Variants in SNAI3 observed in about 807,000 individuals in gnomAD.
SNAI3 encodes zinc finger protein SNAI3.
A neutral mutation model predicts 16.4 loss-of-function variants in SNAI3; 21 were observed. That is an observed-to-expected ratio of 1.28 (90% confidence interval 0.91 to 1.85). The LOEUF is 1.85. Among genes scored for constraint, SNAI3 ranks in the 40% most tolerant of loss-of-function variants. The probability of loss-of-function intolerance (pLI) is 0.00; values close to 1 mark genes in which losing one functional copy is unlikely to be tolerated. For synonymous variants in SNAI3, 202 were observed against 166.6 expected, an observed-to-expected ratio of 1.21 and a Z score of -1.64; for missense variants, 457 against 372.8, an observed-to-expected ratio of 1.23 and a Z score of -1.86.
intron 1 of SNAI3, chr16:88,685,297 G>T (rs1234684415): frequency 1.3e-5 from 2 of 152,236 alleles, no homozygotes; most frequent in East Asian, 3.9e-4. Context: ...GAAAAGCATG[G>T]TCCTAGCTGG....
intron 1 of SNAI3, among the ~76,000 whole-genome samples, chr16:88,683,618 C>T (rs562419572): frequency 7.6e-5 from 10 of 132,262 alleles, no homozygotes; most frequent in Admixed American, 1.8e-4. Flanking sequence ...AGTGCAATGG[C>T]GTGATCTCAG....
intron 2 of SNAI3, among the ~76,000 whole-genome samples, chr16:88,679,629 G>C (rs1203443548): frequency 1.3e-5 from 2 of 151,774 alleles, no homozygotes; most frequent in Non-Finnish European, 2.9e-5. Flanking sequence ...GGGCGTGGTG[G>C]CAGGTGTCTG....
intron 1 of SNAI3, chr16:88,686,062 A>C (rs1909347827): frequency 2.2e-6 from 1 of 458,410 alleles, no homozygotes; most frequent in Non-Finnish European, 4.0e-6. Context: ...TTCCAGGGAG[A>C]CTTGGGGGCT....
At position 88,686,445 on chromosome 16, in the gene SNAI3, G is replaced by A. The variant is rs1388348202; in HGVS notation, c.-39C>T. 3.1e-6 allele frequency: 5 copies of A among 1,597,878 alleles called. No individual in the cohort carries two copies. The African/African-American group carries it at 5.4e-5, about 17-fold the overall frequency. The stretch of plus-strand genomic sequence containing the variant: ...GCGGCAGGCCGGGGTGGGCTGGGGC[G>A]GGAGGGGCGCGCCTGGGTCCGGACT... On this transcript the variant is annotated 5_prime_UTR_variant, in exon 1 of 3. Coordinates refer to ENST00000332281, the MANE Select transcript of SNAI3 (RefSeq NM_178310.4).
intron 2 of SNAI3, among the ~76,000 whole-genome samples, chr16:88,679,543 C>G (rs995406556): frequency 4.8e-5 from 7 of 145,868 alleles, no homozygotes; most frequent in Non-Finnish European, 7.5e-5. Context: ...GGGTGGATCA[C>G]GAGGTCAGGA....
intron 1 of SNAI3, among the ~76,000 whole-genome samples, chr16:88,683,289 T>C (rs1412792246): frequency 1.3e-5 from 2 of 151,344 alleles, no homozygotes; most frequent in African/African-American, 4.9e-5. Context: ...GGAGTCTCGC[T>C]CTGTCACCCA....
At position 88,678,257 on chromosome 16, in the gene SNAI3, C is replaced by CTG; in HGVS notation, c.*189_*190dup. On this transcript the variant is annotated 3_prime_UTR_variant, in exon 3 of 3. Transcript: ENST00000332281. ...GAGTGGGCTCCGCGCGGTGGGATGC[C>CTG]TGGGGGAGTGTCCTCCGGCCCAGTG... The CTG allele has an allele frequency of 1.8e-6, 1 of 569,578 alleles. No individual in the cohort carries two copies. Among genetic ancestry groups the CTG allele is most frequent in the Admixed American group, 3.2e-5 (1 of 31,234 alleles). 35.3% of individuals were successfully genotyped at this position (569,578 alleles called of 1,614,324 possible).
intron 1 of SNAI3, among the ~76,000 whole-genome samples, chr16:88,682,316 T>A (rs984904264): frequency 1.3e-5 from 2 of 152,236 alleles, no homozygotes; most frequent in Non-Finnish European, 2.9e-5. Flanking sequence ...TCTACTGTGC[T>A]CTGAATGCAG....
At chr16:88,679,525 G>A (rs907244448) in intron 2 of SNAI3, among the ~76,000 whole-genome samples, 14 of 152,042 alleles carry the variant, frequency 9.2e-5, no homozygotes, top group African/African-American at 3.1e-4. Context: ...ACTTTGGGAG[G>A]CCGAGGCGGG....
chr16:88,686,127 G>T (rs1909350407), intron 1 of SNAI3: 2 of 588,256 alleles, frequency 3.4e-6, no homozygotes, highest in Non-Finnish European at 5.8e-6. Context: ...CGCCCTGCCG[G>T]AGGCGGGGCT....
Position 88,678,680 on chromosome 16 carries a change from C to A in SNAI3, c.698-51G>T, listed in dbSNP as rs190768015. On this transcript the variant is annotated intron_variant, in intron 2 of 2. Transcript: ENST00000332281. The stretch of plus-strand genomic sequence containing the variant: ...GACACCATGGAAGATGGAGTGAAGG[C>A]TAAAGCACCCACCCTGCCCATCAAT... The A allele has an allele frequency of 6.6e-3, 10,184 of 1,550,986 alleles. 409 individuals carry two copies. The African/African-American group carries it at 0.096, about 15-fold the overall frequency.
Sources: allele counts gnomAD v4.1 joint callset (sites outside exome capture counted in the v4.1 genomes callset), GRCh38; gene constraint gnomAD v4.1.1; transcripts MANE v1.5; gene names NCBI Gene and HGNC (gene_info 2026-07-23, HGNC 2026-07-21).